The following GSG1L2 variants were observed in gnomAD, a reference collection of about 807,000 sequenced individuals.
GSG1L2 encodes GSG1 like 2.
In GSG1L2, 15 loss-of-function variants were observed where a neutral mutation model predicts 9.0. The ratio of observed to expected loss-of-function variants is 1.67; its 90% CI spans 1.12 to 2.57. The LOEUF is 2.57. Ranked by LOEUF, GSG1L2 falls within the 30% of genes most tolerant of loss-of-function variation. The pLI is 0.00. For missense variants in GSG1L2, 286 were observed against 150.3 expected (o/e 1.90, Z -4.72); for synonymous variants, 127 against 57.9 (o/e 2.19, Z -5.41).
intron 4 of GSG1L2, among the ~76,000 whole-genome samples, chr17:9,803,081 A>G (rs947096957): frequency 1.3e-5 from 2 of 150,112 alleles, no homozygotes; most frequent in Non-Finnish European, 3.0e-5. Context: ...AACCCAGGAC[A>G]GTGGCATTGG....
chr17:9,807,128 CAG>C (rs1209415501), intron 4 of GSG1L2, among the ~76,000 whole-genome samples: 4 of 152,136 alleles, frequency 2.6e-5, no homozygotes, highest in Non-Finnish European at 5.9e-5. Context: ...GCATTAGAAA[CAG>C]GGGCTGGGTC....
At chr17:9,803,946 CAT>C (rs1257109945) in intron 4 of GSG1L2, 1 of 152,220 alleles carries the variant, frequency 6.6e-6, no homozygotes, top group Non-Finnish European at 1.5e-5. Flanking sequence ...ACCAAGGACA[CAT>C]GTCAAGGTTC....
In GSG1L2 at chr17:9,816,382, G is replaced by A. The variant is rs958140063; in HGVS notation, c.310+5380C>T. ...CGTATGCGTGTGTCTGTGTGTGTGC[G>A]TGTGTGTCTGTGTCTGTGTGTGTGT... On this transcript the variant is annotated intron_variant, in intron 1 of 4. Coordinates refer to ENST00000399363, the MANE Select transcript of GSG1L2 (RefSeq NM_001310219.2). Among the ~76,000 whole-genome samples, 6 of 151,524 alleles carry A rather than the reference G, an allele frequency of 4.0e-5. No individual in the cohort carries two copies. In the East Asian group the frequency reaches 7.8e-4, roughly 20 times the overall value.
chr17:9,802,605 C>T lies in GSG1L2; in HGVS notation c.663G>A (p.Ser221=), dbSNP rs1042210403. The change falls in exon 5 of 5, where the codon TCG becomes TCA. Residue 221 remains serine (S), a synonymous_variant. Coordinates refer to ENST00000399363, the MANE Select transcript of GSG1L2 (RefSeq NM_001310219.2). ...WGSFALCLAV[S]VSAMSRFTAA... ...CCGTGAACCTGCTCATGGCCGAGACCGACACAGCCAGGCAGAGGGCGAAAG... is the reference window on the plus strand; with the variant it reads ...CCGTGAACCTGCTCATGGCCGAGACTGACACAGCCAGGCAGAGGGCGAAAG... 5 of 702,576 alleles carry T rather than the reference C, an allele frequency of 7.1e-6. No homozygotes were observed. The highest frequency in any genetic ancestry group is 2.7e-5 in the East Asian group (1 of 37,280). 43.5% of individuals were successfully genotyped at this position (702,576 alleles called of 1,614,324 possible). A position where few individuals can be genotyped will look rare whatever the true frequency, so the allele number is the denominator to read the frequency against.
Position 9,808,925 on chromosome 17 carries a change from C to G in GSG1L2, c.416G>C (p.Ser139Thr), listed in dbSNP as rs749394463. The change falls in exon 3 of 5, where the codon AGC becomes ACC. Residue 139 changes from serine to threonine, a missense_variant. By Grantham distance (58) the Ser-to-Thr change is moderately conservative. Coordinates refer to ENST00000399363, the MANE Select transcript of GSG1L2 (RefSeq NM_001310219.2). Reference protein sequence around the residue: ...EVLDIVLILTSAILLGSRVSC... With the variant: ...EVLDIVLILTTAILLGSRVSC... The stretch of plus-strand genomic sequence containing the variant: ...CACTCTGGAGCCCAGGAGGATGGCG[C>G]TTGTCAGTATCAGAACGATATCCAG... 3 of 703,012 alleles carry G rather than the reference C, an allele frequency of 4.3e-6. No individual in the cohort carries two copies. In the Admixed American group the frequency reaches 6.0e-5, roughly 14 times the overall value. The allele number at this position is 703,012 out of a possible 1,614,324, so 43.5% of individuals were successfully genotyped here.
intron 1 of GSG1L2, among the ~76,000 whole-genome samples, chr17:9,819,431 C>T (rs1321627301): frequency 6.6e-6 from 1 of 152,072 alleles, no homozygotes; most frequent in East Asian, 1.9e-4. Context: ...TAAGATGAAG[C>T]CATGGCTATG....
At chr17:9,805,225 C>T (rs1205807457) in intron 4 of GSG1L2, among the ~76,000 whole-genome samples, 1 of 152,076 alleles carries the variant, frequency 6.6e-6, no homozygotes, top group Non-Finnish European at 1.5e-5. Flanking sequence ...ACAAAAATCA[C>T]CATAATTCCA....
rs1402016483 is a variant in GSG1L2 at position 9,802,231 on chromosome 17, A to G, written c.*155T>C. Among the ~76,000 whole-genome samples, 1 of 152,214 alleles carries G rather than the reference A, an allele frequency of 6.6e-6. No homozygotes were observed. The highest frequency in any genetic ancestry group is 1.9e-4 in the East Asian group (1 of 5,204). On this transcript the variant is annotated 3_prime_UTR_variant, in exon 5 of 5. Coordinates refer to ENST00000399363, the MANE Select transcript of GSG1L2 (RefSeq NM_001310219.2). The stretch of plus-strand genomic sequence containing the variant: ...TAACAGGAATCAAAGGCTAAAGCCA[A>G]AGGTGTTTAGTAAAAGGTGAGATGT...
intron 1 of GSG1L2, among the ~76,000 whole-genome samples, chr17:9,812,464 T>G (rs1189073217): frequency 6.6e-6 from 1 of 151,846 alleles, no homozygotes; most frequent in Non-Finnish European, 1.5e-5. Flanking sequence ...ACCTTCCACC[T>G]CCCCAGGGTC....
rs114539823 is a variant in GSG1L2 at position 9,812,310 on chromosome 17, C to A, written c.311-1692G>T. Among the ~76,000 whole-genome samples, 361 of 152,038 alleles carry A rather than the reference C, an allele frequency of 2.4e-3. 1 individual carries two copies. Among genetic ancestry groups the A allele is most frequent in the African/African-American group, 8.4e-3 (349 of 41,466 alleles). On this transcript the variant is annotated intron_variant, in intron 1 of 4. Coordinates refer to ENST00000399363, the MANE Select transcript of GSG1L2 (RefSeq NM_001310219.2). Reference sequence around the variant, plus strand: ...AGAAAACCCCAAGTAATTTAATTTTCCTATTCAAGAACTCTCTATGGCTCC... The same window carrying A: ...AGAAAACCCCAAGTAATTTAATTTTACTATTCAAGAACTCTCTATGGCTCC...
intron 1 of GSG1L2, among the ~76,000 whole-genome samples, chr17:9,811,699 G>A (rs1357154986): frequency 6.6e-6 from 1 of 152,202 alleles, no homozygotes; most frequent in African/African-American, 2.4e-5. Context: ...TCCCCACGCA[G>A]TTTACAGGAG....
intron 1 of GSG1L2, among the ~76,000 whole-genome samples, chr17:9,814,646 C>A (rs1217207433): frequency 6.6e-6 from 1 of 152,090 alleles, no homozygotes; most frequent in Non-Finnish European, 1.5e-5. Context: ...TTGAATAAAG[C>A]CAGAAGGATT....
chr17:9,806,079 G>A (rs2066515266), intron 4 of GSG1L2, among the ~76,000 whole-genome samples: 1 of 152,152 alleles, frequency 6.6e-6, no homozygotes, highest in Admixed American at 6.5e-5. Flanking sequence ...CTTAGAACAT[G>A]CTAATGCTAC....
At position 9,821,974 on chromosome 17, in the gene GSG1L2, T is replaced by C. The variant is rs1376719897; in HGVS notation, c.98A>G (p.Glu33Gly). 1 of 703,082 alleles carries C rather than the reference T, an allele frequency of 1.4e-6. No individual in the cohort carries two copies. The highest frequency in any genetic ancestry group is 2.6e-6 in the Non-Finnish European group (1 of 385,018). 43.6% of individuals were successfully genotyped at this position (703,082 alleles called of 1,614,324 possible). ...TGGCTTCACCACCCGTCGGGTCCCC[T>C]CACACCAGTGGCTGCTGACCACGGC... ...LTAVVSSHWC[E>G]GTRRVVKPLC... is the part of the protein sequence containing the mutation. The change falls in exon 1 of 5, where the codon GAG becomes GGG. Residue 33 changes from glutamate (E) to glycine (G), a missense_variant. Physicochemically the swap from Glu to Gly is moderately conservative, Grantham distance 98. Coordinates refer to ENST00000399363, the MANE Select transcript of GSG1L2 (RefSeq NM_001310219.2).
At position 9,801,745 on chromosome 17, in the gene GSG1L2, AAAC is replaced by A. The variant is rs1286223031; in HGVS notation, c.*638_*640del. 3.3e-5 allele frequency among the ~76,000 whole-genome samples: 5 copies of A among 152,376 alleles called. No homozygotes were observed. The East Asian group carries it at 9.6e-4, about 29-fold the overall frequency. On this transcript the variant is annotated 3_prime_UTR_variant, in exon 5 of 5. Transcript: ENST00000399363. The stretch of plus-strand genomic sequence containing the variant: ...AACAACTCAAACATGTGTTCCACTT[AAAC>A]TAAGATAAGATGTCATTCCATTTGA...
chr17:9,813,761 A>C (rs17207836), intron 1 of GSG1L2, among the ~76,000 whole-genome samples: 8 of 152,106 alleles, frequency 5.3e-5, no homozygotes, highest in African/African-American at 1.9e-4. Flanking sequence ...TACCATGGGC[A>C]ATGTGTGGCA....
rs139220649 is a variant in GSG1L2, at chr17:9,809,003, G to A, written c.359-21C>T. 2.4e-4 allele frequency: 166 copies of A among 702,730 alleles called. 1 individual carries two copies. In the East Asian group the frequency reaches 4.4e-3, roughly 19 times the overall value. The allele number at this position is 702,730 out of a possible 1,614,324, so 43.5% of individuals were successfully genotyped here. A position where few individuals can be genotyped will look rare whatever the true frequency, so the allele number is the denominator to read the frequency against. ...AACACCTGCCAAAGAACGGGATGTT[G>A]GAAACGCTGGACACTTCTAATTCAG... On this transcript the variant is annotated intron_variant, in intron 2 of 4. Coordinates refer to ENST00000399363, the MANE Select transcript of GSG1L2 (RefSeq NM_001310219.2).
intron 3 of GSG1L2, among the ~76,000 whole-genome samples, chr17:9,808,470 G>A (rs923835992): frequency 6.6e-6 from 1 of 152,070 alleles, no homozygotes; most frequent in Non-Finnish European, 1.5e-5. Context: ...CTTGCCTGAG[G>A]TCATACACCC....
At position 9,807,473 on chromosome 17, in the gene GSG1L2, A is replaced by G. The variant is rs148003504; in HGVS notation, c.623+17T>C. 2.8e-6 allele frequency: 2 copies of G among 702,792 alleles called. No individual in the cohort carries two copies. The highest frequency in any genetic ancestry group is 2.0e-5 in the Admixed American group (1 of 50,018). The allele number at this position is 702,792 out of a possible 1,614,324, so 43.5% of individuals were successfully genotyped here. ...CCTGATCCTCCAGGACTTCAGCACC[A>G]TGACCAAGCAACTTACCAATATGAC... On this transcript the variant is annotated intron_variant, in intron 4 of 4. Coordinates refer to ENST00000399363, the MANE Select transcript of GSG1L2 (RefSeq NM_001310219.2).
Sources: allele counts gnomAD v4.1 joint callset (sites outside exome capture counted in the v4.1 genomes callset), GRCh38; gene constraint gnomAD v4.1.1; transcripts MANE v1.5; gene names NCBI Gene and HGNC (gene_info 2026-07-23, HGNC 2026-07-21).